NEXN: variants seen among roughly 807,000 people sequenced by gnomAD.
The protein encoded by NEXN is nexilin.
In NEXN, 65 loss-of-function variants were observed where a neutral mutation model predicts 92.6. The ratio of observed to expected loss-of-function variants is 0.70; its 90% CI spans 0.57 to 0.86. NEXN has a LOEUF of 0.86. Among genes scored for constraint, NEXN ranks in the 40% least tolerant of loss-of-function variants. The pLI is 0.00. For missense variants in NEXN, 778 were observed against 771.1 expected (o/e 1.01, Z -0.11); for synonymous variants, 254 against 242.5 (o/e 1.05, Z -0.44).
At chr1:77,939,217 G>C (rs1166963448) in intron 11 of NEXN, among the ~76,000 whole-genome samples, 2 of 152,182 alleles carry the variant, frequency 1.3e-5, no homozygotes, top group Admixed American at 1.3e-4. Flanking sequence ...AGGATATCTA[G>C]ATGATGCTAT....
chr1:77,897,324 C>T (rs1345329313), intron 1 of NEXN, among the ~76,000 whole-genome samples: 2 of 152,220 alleles, frequency 1.3e-5, no homozygotes, highest in Non-Finnish European at 2.9e-5. Flanking sequence ...ATCAAGTGGG[C>T]TTCATCCCTG....
At chr1:77,923,984 A>G (rs1649647585) in intron 5 of NEXN, among the ~76,000 whole-genome samples, 1 of 152,032 alleles carries the variant, frequency 6.6e-6, no homozygotes, top group Non-Finnish European at 1.5e-5. Context: ...CCAAGCTCTC[A>G]CTTTTTAAAT....
chr1:77,940,749 C>T (rs1651196917), intron 11 of NEXN, among the ~76,000 whole-genome samples: 2 of 152,174 alleles, frequency 1.3e-5, no homozygotes, highest in South Asian at 4.1e-4. Flanking sequence ...GATGAAACTA[C>T]AGTAAGCAAA....
intron 11 of NEXN, among the ~76,000 whole-genome samples, chr1:77,937,090 A>C (rs1557992151): frequency 7.2e-6 from 1 of 138,076 alleles, no homozygotes; most frequent in Non-Finnish European, 1.5e-5. Context: ...TGGGTGGGTC[A>C]CTTGAGCCAT....
At chr1:77,903,216 A>G (rs1444038348) in intron 1 of NEXN, among the ~76,000 whole-genome samples, 3 of 151,990 alleles carry the variant, frequency 2.0e-5, no homozygotes, top group Non-Finnish European at 2.9e-5. Flanking sequence ...TTATCCTATC[A>G]TAAGAAATGA....
chr1:77,912,223 TA>T (rs1403292860), intron 1 of NEXN, among the ~76,000 whole-genome samples: 6 of 152,226 alleles, frequency 3.9e-5, no homozygotes, highest in Non-Finnish European at 7.4e-5. Context: ...ACTATGAAAT[TA>T]TTTAGGGATA....
chr1:77,889,466 A>AC (rs989709886), intron 1 of NEXN: 1 of 150,424 alleles, frequency 6.6e-6, no homozygotes, highest in African/African-American at 2.5e-5. Flanking sequence ...GAATGTAGTC[A>AC]CCTCTTGAGA....
intron 10 of NEXN, 139 bp downstream of exon 10, chr1:77,933,618 G>C: frequency 1.5e-6 from 1 of 684,610 alleles, no homozygotes; most frequent in Non-Finnish European, 2.5e-6. Flanking sequence ...CATGGTACAG[G>C]CGTCTGCACA....
Position 77,898,250 on chromosome 1 carries a change from A to T in NEXN, c.-53+9491A>T, listed in dbSNP as rs550663079. Among the ~76,000 whole-genome samples the T allele has an allele frequency of 8.7e-4, 132 of 152,354 alleles. 1 individual carries two copies. The highest frequency in any genetic ancestry group is 3.1e-3 in the African/African-American group (127 of 41,574). ...AAAGCTGGAGGCATCACGCTACCTG[A>T]CTTCAAACTATACTACAAGGCTACA... On this transcript the variant is annotated intron_variant, in intron 1 of 12. Coordinates refer to ENST00000334785, the MANE Select transcript of NEXN (RefSeq NM_144573.4).
chr1:77,931,506 C>T (rs890331380), intron 9 of NEXN, among the ~76,000 whole-genome samples: 4 of 150,584 alleles, frequency 2.7e-5, no homozygotes, highest in African/African-American at 9.8e-5. Context: ...GATTTGTAGG[C>T]CAATACTGCC....
intron 8 of NEXN, among the ~76,000 whole-genome samples, chr1:77,927,103 C>T (rs1432552628): frequency 6.6e-6 from 1 of 152,046 alleles, no homozygotes; most frequent in African/African-American, 2.4e-5. Context: ...GGGTAGATCA[C>T]CTGAGGTCAG....
chr1:77,927,501 G>C (rs980260980), intron 8 of NEXN, among the ~76,000 whole-genome samples: 8 of 152,096 alleles, frequency 5.3e-5, no homozygotes, highest in Admixed American at 5.2e-4. Context: ...TTTTTCAACT[G>C]TTTGAACATA....
At chr1:77,905,196 A>T (rs1373397013) in intron 1 of NEXN, among the ~76,000 whole-genome samples, 1 of 151,474 alleles carries the variant, frequency 6.6e-6, no homozygotes, top group African/African-American at 2.4e-5. Context: ...CGGGAGGCAG[A>T]GGTTGCAGTG....
chr1:77,928,393 T>C (rs1650035643), intron 8 of NEXN, among the ~76,000 whole-genome samples: 2 of 152,046 alleles, frequency 1.3e-5, no homozygotes, highest in African/African-American at 4.8e-5. Context: ...TCTTGAATGA[T>C]GTTCTAAGAA....
Position 77,918,027 on chromosome 1 carries a change from C to T in NEXN, c.287C>T (p.Pro96Leu), listed in dbSNP as rs1184116101. 6.2e-7 allele frequency: 1 copy of T among 1,613,298 alleles called. No individual in the cohort carries two copies. The highest frequency in any genetic ancestry group is 1.1e-5 in the South Asian group (1 of 91,050). Residue 96 changes from proline to leucine, a missense_variant, in exon 4 of 13, where the codon CCA becomes CTA. Physicochemically the swap from Pro to Leu is moderately conservative, Grantham distance 98. This residue lies in a region of NEXN where 236 missense variants were observed against 265.6 expected (regional missense o/e 0.89). Coordinates refer to ENST00000334785, the MANE Select transcript of NEXN (RefSeq NM_144573.4). ...TCTAAAGTAGAAAAGGCTTATGTTC[C>T]AAAATTAACAGGTAAGAAGCTTGAG... ...VSSKVEKAYV[P>L]KLTGTVKGRF...
intron 1 of NEXN, among the ~76,000 whole-genome samples, chr1:77,900,754 C>A (rs1039694871): frequency 1.3e-5 from 2 of 152,178 alleles, no homozygotes; most frequent in Non-Finnish European, 2.9e-5. Context: ...CTTAGAACCA[C>A]CTGTTCCATC....
chr1:77,939,013 TTA>T (rs1158110930), intron 11 of NEXN, among the ~76,000 whole-genome samples: 2 of 152,262 alleles, frequency 1.3e-5, no homozygotes, highest in African/African-American at 4.8e-5. Context: ...AATAAAATAT[TTA>T]TGTTTATGCA....
chr1:77,927,014 T>A, intron 8 of NEXN, 122 bp downstream of exon 8: 1 of 1,251,274 alleles, frequency 8.0e-7, no homozygotes. Flanking sequence ...CTAATTGTAT[T>A]CATATTTCAT....
At chr1:77,923,514 G>A (rs1649604095) in intron 5 of NEXN, among the ~76,000 whole-genome samples, 1 of 151,786 alleles carries the variant, frequency 6.6e-6, no homozygotes, top group Admixed American at 6.6e-5. Context: ...TTTTTTAACG[G>A]TTCCATTTTC....
Sources: allele counts gnomAD v4.1 joint callset (sites outside exome capture counted in the v4.1 genomes callset), GRCh38; gene constraint gnomAD v4.1.1; regional missense constraint gnomAD v4.1.1; transcripts MANE v1.5; gene names NCBI Gene and HGNC (gene_info 2026-07-23, HGNC 2026-07-21).